The following TMC7 variants were observed in gnomAD, a reference collection of about 807,000 sequenced individuals.
TMC7 encodes transmembrane channel like 7.
Under a neutral mutation model 82.9 loss-of-function variants are expected in TMC7, and 54 were observed. The ratio of observed to expected loss-of-function variants is 0.65; its 90% CI spans 0.52 to 0.82. The LOEUF (loss-of-function observed/expected upper bound fraction) is 0.82. Ranked by LOEUF, TMC7 falls within the 40% of genes least tolerant of loss-of-function variation. The pLI is 0.00. For synonymous variants in TMC7, 350 were observed against 337.9 expected, an observed-to-expected ratio of 1.04 and a Z score of -0.39; for missense variants, 820 against 901.2, an observed-to-expected ratio of 0.91 and a Z score of 1.15.
rs538340233 is a variant in TMC7, at chr16:19,005,193, ATTC to A, written c.68-3974_68-3972del. On this transcript the variant is annotated intron_variant, in intron 1 of 15. Coordinates refer to ENST00000304381, the MANE Select transcript of TMC7 (RefSeq NM_024847.4). ...AAGCTCTGCCTCCTGGGTTCACGCC[ATTC>A]TTCTGCTTCAGCCTCCCAAGTTAGC... Among the ~76,000 whole-genome samples, 29 of 152,038 alleles carry A rather than the reference ATTC, an allele frequency of 1.9e-4. 1 individual carries two copies. In the South Asian group the frequency reaches 3.3e-3, roughly 17 times the overall value.
chr16:19,011,580 G>A (rs1333636985), intron 2 of TMC7, among the ~76,000 whole-genome samples: 10 of 151,826 alleles, frequency 6.6e-5, no homozygotes, highest in Non-Finnish European at 1.3e-4. Flanking sequence ...AGCTGGGTGT[G>A]GTGATGTGTG....
At position 19,056,610 on chromosome 16, in the gene TMC7, C is replaced by T. The variant is rs774286557; in HGVS notation, c.1940C>T (p.Thr647Met). Residue 647 changes from threonine (T) to methionine (M), a missense_variant, in exon 14 of 16, where the codon ACG becomes ATG. This residue lies in a region of TMC7 where 170 missense variants were observed against 231.3 expected (regional missense o/e 0.74). Coordinates refer to ENST00000304381, the MANE Select transcript of TMC7 (RefSeq NM_024847.4). The part of the protein sequence containing the change: ...FNTTWEVIPK[T>M]VSTFPSSLQS... ...ACCACCTGGGAGGTCATCCCCAAGA[C>T]GGTGAGCACCTTCCCCAGCTCGCTG... 3.0e-5 allele frequency: 49 copies of T among 1,614,078 alleles called. No homozygotes were observed. The highest frequency in any genetic ancestry group is 2.3e-4 in the African/African-American group (17 of 75,028).
intron 9 of TMC7, among the ~76,000 whole-genome samples, chr16:19,042,632 C>A (rs1961068943): frequency 6.6e-6 from 1 of 151,858 alleles, no homozygotes; most frequent in Non-Finnish European, 1.5e-5. Context: ...CTCAGCCTCC[C>A]GAGTAGTTGG....
chr16:19,053,669 C>T (rs1283447982), intron 13 of TMC7, among the ~76,000 whole-genome samples: 1 of 152,152 alleles, frequency 6.6e-6, no homozygotes, highest in Non-Finnish European at 1.5e-5. Context: ...TCCCAAAGTG[C>T]TGGGATTACA....
chr16:19,023,145 T>C lies in TMC7; in HGVS notation c.661T>C (p.Ser221Pro). The change falls in exon 5 of 16, where the codon TCT becomes CCT. Residue 221 changes from serine to proline, a missense_variant. Ser to Pro is a moderately conservative substitution (Grantham distance 74). Coordinates refer to ENST00000304381, the MANE Select transcript of TMC7 (RefSeq NM_024847.4). ...ATGTACAGTCTATCCAGTAAGCAGT[T>C]CTGGACTCATTTACTTTTACAGTTA... ...KQCTVYPVSS[S>P]GLIYFYSYII... is the part of the protein sequence containing the mutation. 6.2e-7 allele frequency: 1 copy of C among 1,610,450 alleles called. No individual in the cohort carries two copies. Among genetic ancestry groups the C allele is most frequent in the East Asian group, 2.2e-5 (1 of 44,808 alleles).
intron 1 of TMC7, among the ~76,000 whole-genome samples, chr16:18,998,970 G>A (rs1354203351): frequency 6.6e-6 from 1 of 152,144 alleles, no homozygotes; most frequent in East Asian, 1.9e-4. Flanking sequence ...GATCCGGGAG[G>A]CTACCAGGGC....
At chr16:18,995,811 A>G (rs903515152) in intron 1 of TMC7, among the ~76,000 whole-genome samples, 2 of 152,188 alleles carry the variant, frequency 1.3e-5, no homozygotes, top group African/African-American at 4.8e-5. Flanking sequence ...GAGGGCCGGA[A>G]TCTAATTTTT....
At chr16:19,015,160 C>T (rs1319928230) in intron 2 of TMC7, among the ~76,000 whole-genome samples, 3 of 151,990 alleles carry the variant, frequency 2.0e-5, no homozygotes, top group South Asian at 4.2e-4. Flanking sequence ...GACGGGGTTT[C>T]GCCATGTTGG....
intron 5 of TMC7, among the ~76,000 whole-genome samples, chr16:19,023,936 C>T (rs771381388): frequency 1.6e-4 from 25 of 152,212 alleles, no homozygotes; most frequent in Non-Finnish European, 3.4e-4. Flanking sequence ...CACACAGGGA[C>T]ATGTGCGATG....
rs745828684 is a variant in TMC7, at chr16:19,044,988, AGAAACTCTACCCGGTGAGTTGCG to A, written c.1444_1455+11del. Reference sequence around the variant, plus strand: ...ACATGTGACCTTTGCGGCTACAACCAGAAACTCTACCCGGTGAGTTGCGGGGCGGGGGCGTTCGGCTGGGTGGG... The same window carrying A: ...ACATGTGACCTTTGCGGCTACAACCAGGGCGGGGGCGTTCGGCTGGGTGGG... On this transcript the variant is annotated splice_donor_variant and splice_donor_5th_base_variant and coding_sequence_variant and intron_variant, in exon 10 of 16. Coordinates refer to ENST00000304381, the MANE Select transcript of TMC7 (RefSeq NM_024847.4). LOFTEE classifies it high-confidence loss of function. 5 of 1,613,718 alleles carry A rather than the reference AGAAACTCTACCCGGTGAGTTGCG, an allele frequency of 3.1e-6. No individual in the cohort carries two copies. The highest frequency in any genetic ancestry group is 3.4e-6 in the Non-Finnish European group (4 of 1,179,924).
intron 9 of TMC7, among the ~76,000 whole-genome samples, chr16:19,043,277 C>T (rs1203985844): frequency 6.6e-6 from 1 of 152,076 alleles, no homozygotes; most frequent in African/African-American, 2.4e-5. Context: ...CCAGACATCC[C>T]GCGACCCTGA....
At chr16:18,998,361 A>C (rs925680948) in intron 1 of TMC7, among the ~76,000 whole-genome samples, 2 of 152,162 alleles carry the variant, frequency 1.3e-5, no homozygotes, top group African/African-American at 4.8e-5. Context: ...GTGGGTTGGG[A>C]AACTGTGCTC....
rs778382209 is a variant in TMC7 at position 19,035,725 on chromosome 16, C to T, written c.907C>T (p.Gln303Ter). Residue 303 changes from glutamine (Q) to a stop codon, truncating the protein, a stop_gained, in exon 7 of 16, where the codon CAG (glutamine) becomes TAG (stop). Coordinates refer to ENST00000304381, the MANE Select transcript of TMC7 (RefSeq NM_024847.4). LOFTEE classifies it high-confidence loss of function. ...INLIRSEEHF[Q>*]SYCNKIFAGW... ...CCTGATTCGGAGTGAGGAGCACTTT[C>T]AGAGTTACTGCAACAAGATATTTGC... is the stretch of plus-strand genomic sequence containing the variant. 6.2e-7 allele frequency: 1 copy of T among 1,613,960 alleles called. No individual in the cohort carries two copies. The highest frequency in any genetic ancestry group is 8.5e-7 in the Non-Finnish European group (1 of 1,179,984).
At position 19,061,766 on chromosome 16, in the gene TMC7, A is replaced by T; in HGVS notation, c.2107-12A>T. 1 of 1,611,328 alleles carries T rather than the reference A, an allele frequency of 6.2e-7. No individual in the cohort carries two copies. Among genetic ancestry groups the T allele is most frequent in the Non-Finnish European group, 8.5e-7 (1 of 1,178,456 alleles). ...ATATATTAAATGTACATGTGAACTTATTATTTTTTAGGAAAGTCGTGACAA... is the reference window on the plus strand; with the variant it reads ...ATATATTAAATGTACATGTGAACTTTTTATTTTTTAGGAAAGTCGTGACAA... On this transcript the variant is annotated splice_polypyrimidine_tract_variant and intron_variant, in intron 15 of 15. Coordinates refer to ENST00000304381, the MANE Select transcript of TMC7 (RefSeq NM_024847.4).
chr16:19,027,990 G>A (rs937668423), intron 5 of TMC7, among the ~76,000 whole-genome samples: 2 of 152,082 alleles, frequency 1.3e-5, no homozygotes, highest in African/African-American at 2.4e-5. Flanking sequence ...CTACTTGACC[G>A]CTGACCTTTC....
At chr16:19,045,141 C>A (rs887291995) in intron 10 of TMC7, 140 bp downstream of exon 10, 7 of 866,786 alleles carry the variant, frequency 8.1e-6, no homozygotes, top group Admixed American at 1.8e-5. Context: ...CAGAGTCTGG[C>A]CCCATGGAGT....
intron 1 of TMC7, among the ~76,000 whole-genome samples, chr16:19,001,199 A>G (rs904737912): frequency 6.6e-6 from 1 of 152,140 alleles, no homozygotes; most frequent in African/African-American, 2.4e-5. Context: ...CCTATCTTGT[A>G]TCCTCAGCAT....
intron 1 of TMC7, among the ~76,000 whole-genome samples, chr16:18,986,895 C>T (rs1262990270): frequency 2.6e-5 from 4 of 151,886 alleles, no homozygotes; most frequent in Non-Finnish European, 4.4e-5. Flanking sequence ...AGCTCCGTCT[C>T]CCGGGTTCAT....
Position 19,047,360 on chromosome 16 carries a change from T to A in TMC7, c.1740+111T>A, listed in dbSNP as rs529782953. On this transcript the variant is annotated intron_variant, in intron 12 of 15. Transcript: ENST00000304381. ...TCCCATGAGACGTATCAAAATTACA[T>A]CCTTTATTTAAAATATATGTTTATT... The A allele has an allele frequency of 4.5e-6, 4 of 881,640 alleles. No individual in the cohort carries two copies. In the African/African-American group the frequency reaches 5.1e-5, roughly 11 times the overall value. 54.6% of individuals were successfully genotyped at this position (881,640 alleles called of 1,614,324 possible).
Sources: allele counts gnomAD v4.1 joint callset (sites outside exome capture counted in the v4.1 genomes callset), GRCh38; gene constraint gnomAD v4.1.1; regional missense constraint gnomAD v4.1.1; transcripts MANE v1.5; gene names NCBI Gene and HGNC (gene_info 2026-07-23, HGNC 2026-07-21).